KIF27: variants seen among roughly 807,000 people sequenced by gnomAD.
KIF27 encodes kinesin-like protein KIF27.
KIF27 carries 84 observed loss-of-function variants against 141.8 expected under a neutral mutation model. The observed-to-expected ratio is 0.59, with a 90% CI of 0.50 to 0.71. The LOEUF is 0.71. Ranked by LOEUF, KIF27 falls within the 30% of genes least tolerant of loss-of-function variation. The probability of loss-of-function intolerance (pLI) is 0.00; values close to 1 mark genes in which losing one functional copy is unlikely to be tolerated. For synonymous variants in KIF27, 471 were observed against 569.5 expected (o/e 0.83, Z 2.46); for missense variants, 1,306 against 1,628.4 (o/e 0.80, Z 3.41).
At chr9:83,882,709 A>G (rs921807890) in intron 10 of KIF27, among the ~76,000 whole-genome samples, 1 of 152,100 alleles carries the variant, frequency 6.6e-6, no homozygotes, top group Non-Finnish European at 1.5e-5. Context: ...TTCTTTCCTT[A>G]TCAGTACTCT....
chr9:83,893,515 G>A (rs1472417982), intron 5 of KIF27, among the ~76,000 whole-genome samples: 3 of 151,816 alleles, frequency 2.0e-5, no homozygotes, highest in African/African-American at 7.3e-5. Flanking sequence ...CCCATGTCCT[G>A]TAAATAAAAT....
At chr9:83,921,084 A>G (rs1237726513) in intron 1 of KIF27, among the ~76,000 whole-genome samples, 8 of 152,074 alleles carry the variant, frequency 5.3e-5, no homozygotes, top group Non-Finnish European at 5.9e-5. Context: ...CCCGCTCCTC[A>G]GGGCTGACCC....
At chr9:83,916,527 T>C (rs1198499635) in intron 1 of KIF27, among the ~76,000 whole-genome samples, 1 of 152,220 alleles carries the variant, frequency 6.6e-6, no homozygotes, top group Non-Finnish European at 1.5e-5. Flanking sequence ...CTTTTTCTAC[T>C]TCTAAATATT....
chr9:83,870,017 T>C (rs1950640028), intron 12 of KIF27, among the ~76,000 whole-genome samples: 1 of 152,130 alleles, frequency 6.6e-6, no homozygotes, highest in Non-Finnish European at 1.5e-5. Flanking sequence ...TATCCCTGAA[T>C]CTAAAATTTA....
chr9:83,885,725 G>A (rs781738166), intron 9 of KIF27, among the ~76,000 whole-genome samples: 10 of 151,974 alleles, frequency 6.6e-5, no homozygotes, highest in South Asian at 2.1e-4. Flanking sequence ...TTGACCTCTG[G>A]GGCTGAATCA....
At position 83,837,125 on chromosome 9, in the gene KIF27, T is replaced by A; in HGVS notation, c.4082A>T (p.Lys1361Ile). The change falls in exon 18 of 18, where the codon AAA (lysine) becomes ATA (isoleucine). Residue 1361 changes from lysine to isoleucine, a missense_variant. Coordinates refer to ENST00000297814, the MANE Select transcript of KIF27 (RefSeq NM_017576.4). ...CAAGGCGGAAATTTGACGTAATTCT[T>A]TTCGACACAGTTTTACAGGTGTGAC... Reference protein sequence around the residue: ...HGVTPVKLCRKELRQISALEL... With the variant: ...HGVTPVKLCRIELRQISALEL... 2 of 1,614,054 alleles carry A rather than the reference T, an allele frequency of 1.2e-6. No homozygotes were observed. The highest frequency in any genetic ancestry group is 1.7e-6 in the Non-Finnish European group (2 of 1,179,952).
intron 2 of KIF27, among the ~76,000 whole-genome samples, chr9:83,914,658 A>G (rs1023319486): frequency 2.0e-5 from 3 of 152,162 alleles, no homozygotes; most frequent in African/African-American, 7.2e-5. Flanking sequence ...ACTACTCAAA[A>G]GTTTGTTTTT....
At chr9:83,908,890 G>T (rs1272143248) in intron 2 of KIF27, among the ~76,000 whole-genome samples, 2 of 152,042 alleles carry the variant, frequency 1.3e-5, no homozygotes, top group Non-Finnish European at 2.9e-5. Context: ...CTCCTGAGTA[G>T]CTGGGATTAC....
At chr9:83,842,555 T>A (rs181774128) in intron 16 of KIF27, among the ~76,000 whole-genome samples, 154 bp from the exon 17 acceptor site, 12 of 152,284 alleles carry the variant, frequency 7.9e-5, no homozygotes, top group Middle Eastern at 6.8e-3. Flanking sequence ...AAGCTCCGCC[T>A]CCCAGGTTCA....
chr9:83,920,188 C>A (rs987018438), intron 1 of KIF27, among the ~76,000 whole-genome samples: 40 of 152,116 alleles, frequency 2.6e-4, no homozygotes, highest in African/African-American at 8.7e-4. Context: ...CCACTGCACT[C>A]CAGCCTGAGT....
intron 3 of KIF27, among the ~76,000 whole-genome samples, chr9:83,907,329 A>C (rs1954663873): frequency 6.7e-6 from 1 of 149,430 alleles, no homozygotes. Context: ...TAAATAAATA[A>C]ATAAATAAAT....
intron 2 of KIF27, 84 bp from the exon 3 acceptor site, chr9:83,908,736 A>G (rs1455701524): frequency 5.0e-6 from 4 of 801,714 alleles, no homozygotes; most frequent in Non-Finnish European, 7.6e-6. Context: ...AATTTATTTT[A>G]CTACATTTCT....
At chr9:83,837,916 T>C (rs1176350847) in intron 17 of KIF27, 2 of 161,482 alleles carry the variant, frequency 1.2e-5, no homozygotes, top group South Asian at 1.8e-4. Flanking sequence ...TGGCATTATA[T>C]GTGTGGGAAT....
chr9:83,858,207 T>A (rs573862886), intron 14 of KIF27: 1 of 152,160 alleles, frequency 6.6e-6, no homozygotes, highest in Non-Finnish European at 1.5e-5. Flanking sequence ...TCCTTTCAAC[T>A]GCCACTTAGC....
intron 5 of KIF27, among the ~76,000 whole-genome samples, chr9:83,899,142 T>C (rs1371898467): frequency 6.6e-6 from 1 of 152,150 alleles, no homozygotes; most frequent in African/African-American, 2.4e-5. Context: ...TTTGGGGTGA[T>C]GGGAGAAGCC....
intron 11 of KIF27, among the ~76,000 whole-genome samples, chr9:83,879,199 A>G (rs1478554872): frequency 6.7e-6 from 1 of 150,182 alleles, no homozygotes; most frequent in Admixed American, 6.6e-5. Flanking sequence ...AAAAGGAAAA[A>G]AAGTTAAAAT....
At chr9:83,884,804 T>C (rs1001901828) in intron 9 of KIF27, among the ~76,000 whole-genome samples, 4 of 152,238 alleles carry the variant, frequency 2.6e-5, no homozygotes, top group Non-Finnish European at 5.9e-5. Context: ...TGATTTGTTA[T>C]GTCTCTTAAG....
In KIF27 at chr9:83,850,123, G is replaced by C. The variant is rs371296942; in HGVS notation, c.3532C>G (p.Gln1178Glu). 3 of 1,613,754 alleles carry C rather than the reference G, an allele frequency of 1.9e-6. No homozygotes were observed. Among genetic ancestry groups the C allele is most frequent in the African/African-American group, 2.7e-5 (2 of 74,914 alleles). ...LQQKEHEQKM[Q>E]LLLHHFKEQD... Reference sequence around the variant, plus strand: ...CCTTTGAAATGATGTAATAGCAACTGCATCTTTTGTTCGTGTTCCTTTTGC... The same window carrying C: ...CCTTTGAAATGATGTAATAGCAACTCCATCTTTTGTTCGTGTTCCTTTTGC... The change falls in exon 16 of 18, where the codon CAG becomes GAG. Residue 1178 changes from glutamine (Q) to glutamate (E), a missense_variant. Around this residue, in one of 4 missense-constraint regions of KIF27, gnomAD observed 596 missense variants for 751.6 expected, o/e 0.79. Transcript: ENST00000297814.
chr9:83,859,028 C>T, intron 14 of KIF27, 128 bp downstream of exon 14: 1 of 739,636 alleles, frequency 1.4e-6, no homozygotes, highest in Non-Finnish European at 2.3e-6. Context: ...GGTGAACTCA[C>T]TACATCTGAC....
Sources: allele counts gnomAD v4.1 joint callset (sites outside exome capture counted in the v4.1 genomes callset), GRCh38; gene constraint gnomAD v4.1.1; regional missense constraint gnomAD v4.1.1; transcripts MANE v1.5; gene names NCBI Gene and HGNC (gene_info 2026-07-23, HGNC 2026-07-21).